The following PCDH7 variants were observed in gnomAD, a reference collection of about 807,000 sequenced individuals.
The protein encoded by PCDH7 is protocadherin-7.
In PCDH7, 17 loss-of-function variants were observed where a neutral mutation model predicts 58.9. That is an observed-to-expected ratio of 0.29 (90% CI 0.20 to 0.43). The LOEUF (loss-of-function observed/expected upper bound fraction) is 0.43. PCDH7 is among the 20% of genes least tolerant of loss of function. The pLI, the probability that PCDH7 is intolerant of heterozygous loss-of-function variation, is 1.00. For missense variants in PCDH7, 1,274 were observed against 1,441.0 expected (o/e 0.88, Z 1.88); for synonymous variants, 664 against 616.4 (o/e 1.08, Z -1.14).
rs186040959 is a variant in PCDH7 at position 30,979,935 on chromosome 4, G to A, written c.*7+29720G>A. Among the ~76,000 whole-genome samples, 524 of 152,074 alleles carry A rather than the reference G, an allele frequency of 3.4e-3. 2 individuals are homozygous for A. The highest frequency in any genetic ancestry group is 6.7e-3 in the Non-Finnish European group (458 of 67,992). On this transcript the variant is annotated intron_variant, in intron 3 of 3. Coordinates refer to the PCDH7 transcript ENST00000509759. ...TGTTTATTGTCCTAATCACTAATAT[G>A]GCATCCCATTCCCCACCCTGACACT...
At chr4:31,107,619 A>G (rs1715741002) in intron 3 of PCDH7, among the ~76,000 whole-genome samples, 5 of 152,140 alleles carry the variant, frequency 3.3e-5, no homozygotes, top group Admixed American at 3.3e-4. Context: ...CTGGGATGAG[A>G]GTTTCTAATC....
intron 3 of PCDH7, among the ~76,000 whole-genome samples, chr4:31,051,408 A>C (rs1756720229): frequency 6.6e-6 from 1 of 152,208 alleles, no homozygotes; most frequent in Non-Finnish European, 1.5e-5. Flanking sequence ...AAAATAGAGC[A>C]GCAGAACTAT....
chr4:31,106,951 C>T (rs537293659), intron 3 of PCDH7, among the ~76,000 whole-genome samples: 13 of 152,172 alleles, frequency 8.5e-5, no homozygotes, highest in African/African-American at 1.9e-4. Flanking sequence ...CTAAGCATTA[C>T]GCTCTTAACT....
At chr4:30,760,430 C>T (rs1719875467) in intron 1 of PCDH7, among the ~76,000 whole-genome samples, 1 of 152,102 alleles carries the variant, frequency 6.6e-6, no homozygotes, top group Non-Finnish European at 1.5e-5. Context: ...TGACATGATC[C>T]TATATCTAGA....
chr4:30,822,669 G>T (rs1234882870), intron 1 of PCDH7, among the ~76,000 whole-genome samples: 1 of 151,778 alleles, frequency 6.6e-6, no homozygotes, highest in South Asian at 2.1e-4. Flanking sequence ...TTAAACACTG[G>T]TGCTTCTTGT....
chr4:30,791,968 A>G (rs1724173958), intron 1 of PCDH7, among the ~76,000 whole-genome samples: 1 of 152,208 alleles, frequency 6.6e-6, no homozygotes, highest in African/African-American at 2.4e-5. Context: ...CCATTTCACA[A>G]ATAGTTGTTA....
chr4:31,042,431 T>C (rs527479981), intron 3 of PCDH7, among the ~76,000 whole-genome samples: 2 of 152,318 alleles, frequency 1.3e-5, no homozygotes, highest in South Asian at 4.1e-4. Context: ...ATTTTTTTGA[T>C]GAACAGTGTT....
intron 3 of PCDH7, among the ~76,000 whole-genome samples, chr4:31,037,292 CT>C (rs1755494482): frequency 6.6e-6 from 1 of 152,094 alleles, no homozygotes; most frequent in African/African-American, 2.4e-5. Flanking sequence ...ACAATGTAAC[CT>C]AAAAATTGTG....
chr4:30,960,120 A>G (rs887559637), intron 3 of PCDH7, among the ~76,000 whole-genome samples: 20 of 68,916 alleles, frequency 2.9e-4, no homozygotes, highest in African/African-American at 1.5e-3. Flanking sequence ...GAGGGAAGGA[A>G]GGAAGGAAGG....
At chr4:30,929,406 T>C (rs1744280975) in intron 2 of PCDH7, among the ~76,000 whole-genome samples, 1 of 152,180 alleles carries the variant, frequency 6.6e-6, no homozygotes, top group African/African-American at 2.4e-5. Flanking sequence ...CGCAGGTAGA[T>C]TTTTTGGCAT....
chr4:31,142,658 G>A (rs1159953228), exon 4 of PCDH7: 1 of 1,367,738 alleles, frequency 7.3e-7, no homozygotes, highest in South Asian at 1.1e-5. Flanking sequence ...GGCCAATGGG[G>A]AGGCCGCCAT....
chr4:31,080,163 A>G (rs778381297), intron 3 of PCDH7, among the ~76,000 whole-genome samples: 46 of 152,162 alleles, frequency 3.0e-4, no homozygotes, highest in Non-Finnish European at 5.4e-4. Flanking sequence ...ATATAACTAG[A>G]TAAGTCTCTT....
intron 1 of PCDH7, among the ~76,000 whole-genome samples, chr4:30,773,297 G>C (rs1374480376): frequency 6.6e-6 from 1 of 152,118 alleles, no homozygotes; most frequent in Non-Finnish European, 1.5e-5. Flanking sequence ...TCTGATTCCT[G>C]GTTCAAAGAT....
rs769601531 is a variant in PCDH7 at position 30,723,444 on chromosome 4, G to A, written c.2022G>A (p.Met674Ile). The stretch of plus-strand genomic sequence containing the variant: ...CTGACAAGGGGCGGAATGCAGAGAT[G>A]AGCCTGTACATAGAGGAGAACAATA... The change falls in exon 1 of 2, where the codon ATG becomes ATA. Residue 674 changes from methionine (M) to isoleucine (I), a missense_variant. By Grantham distance (10) the Met-to-Ile change is conservative (BLOSUM62 1). Transcript: ENST00000361762. This position sits in a 1 kb window ranked among gnomAD's most constrained non-coding sequence, Gnocchi z 4.6. 7.4e-6 allele frequency: 12 copies of A among 1,614,040 alleles called. No homozygotes were observed. Among genetic ancestry groups the A allele is most frequent in the South Asian group, 6.6e-5 (6 of 91,090 alleles).
chr4:31,097,288 CT>C (rs1714131672), intron 3 of PCDH7, among the ~76,000 whole-genome samples: 2 of 151,576 alleles, frequency 1.3e-5, no homozygotes, highest in Non-Finnish European at 2.9e-5. Flanking sequence ...GAAACCCTGT[CT>C]CTAGTAAAAA....
At chr4:30,911,548 T>C (rs1362397557) in intron 1 of PCDH7, among the ~76,000 whole-genome samples, 3 of 152,174 alleles carry the variant, frequency 2.0e-5, no homozygotes, top group Admixed American at 1.3e-4. Context: ...CTAAATTGAA[T>C]GATTGTGTTA....
intron 3 of PCDH7, among the ~76,000 whole-genome samples, chr4:31,099,871 T>G (rs1286589363): frequency 6.6e-6 from 1 of 152,160 alleles, no homozygotes; most frequent in Non-Finnish European, 1.5e-5. Context: ...GTGGTTATAT[T>G]TGCATATACC....
intron 1 of PCDH7, among the ~76,000 whole-genome samples, chr4:30,865,116 T>G (rs527277566): frequency 1.2e-4 from 18 of 151,958 alleles, no homozygotes; most frequent in Admixed American, 9.2e-4. Context: ...AGGTAACAAG[T>G]GACATAACAC....
chr4:31,080,257 A>G (rs1364390143), intron 3 of PCDH7, among the ~76,000 whole-genome samples: 1 of 143,552 alleles, frequency 7.0e-6, no homozygotes, highest in Non-Finnish European at 1.5e-5. Context: ...AAATCTGTAG[A>G]TATTCTTTAT....
Sources: allele counts gnomAD v4.1 joint callset (sites outside exome capture counted in the v4.1 genomes callset), GRCh38; gene constraint gnomAD v4.1.1; non-coding constraint Gnocchi (gnomAD v3.1); transcripts MANE v1.5; gene names NCBI Gene and HGNC (gene_info 2026-07-23, HGNC 2026-07-21).